Variants in KANK1 observed in about 807,000 individuals in gnomAD.
The protein encoded by KANK1 is KN motif and ankyrin repeat domains 1.
In KANK1, 109 loss-of-function variants were observed where a neutral mutation model predicts 106.2. That is an observed-to-expected ratio of 1.03 (90% CI 0.88 to 1.20). KANK1 has a LOEUF of 1.20. Ranked by LOEUF, KANK1 falls within the 50% of genes most tolerant of loss-of-function variation. The pLI is 0.00. For synonymous variants in KANK1, 873 were observed against 652.2 expected, an observed-to-expected ratio of 1.34 and a Z score of -5.16; for missense variants, 2,399 against 1,710.7, an observed-to-expected ratio of 1.40 and a Z score of -7.10.
chr9:720,002 G>T (rs1828881048), intron 3 of KANK1, among the ~76,000 whole-genome samples: 1 of 152,122 alleles, frequency 6.6e-6, no homozygotes, highest in African/African-American at 2.4e-5. Context: ...ATTTGCCTTA[G>T]AATTTAATAT....
At chr9:637,268 C>T (rs1837368199) in intron 1 of KANK1, among the ~76,000 whole-genome samples, 1 of 152,130 alleles carries the variant, frequency 6.6e-6, no homozygotes, top group African/African-American at 2.4e-5. Flanking sequence ...GATGTGAAAG[C>T]TTTTGTTCCA....
At chr9:626,914 G>A (rs955222232) in intron 1 of KANK1, among the ~76,000 whole-genome samples, 3 of 151,900 alleles carry the variant, frequency 2.0e-5, no homozygotes, top group Admixed American at 2.0e-4. Flanking sequence ...GCTGCTATTG[G>A]TGTTTTACAC....
Position 581,155 on chromosome 9 carries a change from C to A in KANK1, c.-84+76401C>A, listed in dbSNP as rs544198667. 4.6e-5 allele frequency among the ~76,000 whole-genome samples: 7 copies of A among 152,284 alleles called. No homozygotes were observed. The South Asian group carries it at 1.4e-3, about 32-fold the overall frequency. ...AGCCCCAGTTCCCACCCACGGCTTT[C>A]CCTCCACATCTCCCCGCAAGCAGAG... On this transcript the variant is annotated intron_variant, in intron 1 of 11. Transcript: ENST00000382297.
chr9:633,604 C>G lies in KANK1; in HGVS notation c.-83-43286C>G, dbSNP rs527864723. Among the ~76,000 whole-genome samples, 19 of 152,286 alleles carry G rather than the reference C, an allele frequency of 1.2e-4. No individual in the cohort carries two copies. The South Asian group carries it at 3.5e-3, about 28-fold the overall frequency. On this transcript the variant is annotated intron_variant, in intron 1 of 11. Transcript: ENST00000382297. ...GATTCCTGAACCTGGCATATGAGCTCTCAATAATTCATTCTGACTCATCTT... is the reference window on the plus strand; with the variant it reads ...GATTCCTGAACCTGGCATATGAGCTGTCAATAATTCATTCTGACTCATCTT...
chr9:534,340 C>T (rs2060200012), intron 1 of KANK1, among the ~76,000 whole-genome samples: 1 of 152,152 alleles, frequency 6.6e-6, no homozygotes, highest in Admixed American at 6.5e-5. Context: ...GCTACATGTG[C>T]TTTGGTCTCA....
Position 487,207 on chromosome 9 carries a change from T to C in KANK1, c.-362+13934T>C, listed in dbSNP as rs182390884. On this transcript the variant is annotated intron_variant, in intron 3 of 15. Coordinates refer to the KANK1 transcript ENST00000382303. ...TCCCAACTTACAATGGTTTGGCTTA[T>C]GGTTTTTCAAATTTATGATGGTGTG... 8.5e-5 allele frequency among the ~76,000 whole-genome samples: 13 copies of C among 152,356 alleles called. No individual in the cohort carries two copies. In the East Asian group the frequency reaches 1.3e-3, roughly 16 times the overall value.
intron 8 of KANK1, among the ~76,000 whole-genome samples, chr9:739,529 G>A (rs1040135116): frequency 6.6e-6 from 1 of 152,262 alleles, no homozygotes; most frequent in African/African-American, 2.4e-5. Flanking sequence ...CATCTTACAG[G>A]AAGGAATTTC....
At chr9:683,126 G>A (rs1283111649) in intron 2 of KANK1, among the ~76,000 whole-genome samples, 1 of 152,164 alleles carries the variant, frequency 6.6e-6, no homozygotes, top group African/African-American at 2.4e-5. Context: ...GTGGTGGTGA[G>A]TCTTAGACCT....
intron 1 of KANK1, among the ~76,000 whole-genome samples, chr9:529,025 C>T (rs1377883064): frequency 1.3e-5 from 2 of 152,102 alleles, no homozygotes; most frequent in South Asian, 2.1e-4. Flanking sequence ...TCTTGAACTC[C>T]TGGACTCAAG....
intron 1 of KANK1, among the ~76,000 whole-genome samples, chr9:606,180 C>T (rs1340836971): frequency 6.9e-6 from 1 of 144,314 alleles, no homozygotes; most frequent in South Asian, 2.3e-4. Context: ...CACACACACA[C>T]ACCACTCACA....
chr9:582,662 A>C (rs1822466051), intron 1 of KANK1, among the ~76,000 whole-genome samples: 1 of 152,216 alleles, frequency 6.6e-6, no homozygotes, highest in African/African-American at 2.4e-5. Context: ...TGATTAAATA[A>C]AGGAGATCTC....
In KANK1 at chr9:713,410, A is replaced by G; in HGVS notation, c.2644A>G (p.Thr882Ala). 1 of 1,612,346 alleles carries G rather than the reference A, an allele frequency of 6.2e-7. No homozygotes were observed. Among genetic ancestry groups the G allele is most frequent in the South Asian group, 1.1e-5 (1 of 90,602 alleles). ...SINSVMKSASTEELRNPDFQK... is the reference protein window; with the variant it reads ...SINSVMKSASAEELRNPDFQK... ...CAACTCTGTCATGAAATCTGCAAGC[A>G]CTGAAGAGCTGAGGAACCCTGACTT... The change falls in exon 3 of 12, where the codon ACT becomes GCT. Residue 882 changes from threonine (T) to alanine (A), a missense_variant. Physicochemically the swap from Thr to Ala is moderately conservative, Grantham distance 58 (BLOSUM62 0). Coordinates refer to ENST00000382297, the MANE Select transcript of KANK1 (RefSeq NM_015158.5).
chr9:647,485 T>C (rs1588548811), intron 1 of KANK1, among the ~76,000 whole-genome samples: 1 of 151,014 alleles, frequency 6.6e-6, no homozygotes, highest in East Asian at 1.9e-4. Context: ...GGTTCCAAAC[T>C]AGTGAAAACT....
chr9:516,531 CT>C (rs1419790108), intron 1 of KANK1, among the ~76,000 whole-genome samples: 3 of 151,346 alleles, frequency 2.0e-5, no homozygotes, highest in Admixed American at 6.6e-5. Context: ...TCTGGTGGGT[CT>C]TTATTAGAGT....
intron 1 of KANK1, among the ~76,000 whole-genome samples, chr9:611,782 A>T (rs896386602): frequency 1.1e-4 from 16 of 152,094 alleles, no homozygotes; most frequent in African/African-American, 3.9e-4. Context: ...GCAGCGGTGC[A>T]GTCTCAGCTC....
upstream of KANK1, among the ~76,000 whole-genome samples, chr9:502,861 G>A (rs2058584063): frequency 6.6e-6 from 1 of 151,962 alleles, no homozygotes; most frequent in Non-Finnish European, 1.5e-5. Flanking sequence ...TTGAGACAGG[G>A]TCACACTCTG....
chr9:627,384 C>G (rs942137314), intron 1 of KANK1, among the ~76,000 whole-genome samples: 9 of 141,566 alleles, frequency 6.4e-5, no homozygotes, highest in East Asian at 5.8e-4. Flanking sequence ...GCTTCTGCCC[C>G]CTCCTAGCCA....
intron 3 of KANK1, among the ~76,000 whole-genome samples, chr9:475,445 T>A (rs1564107722): frequency 6.6e-6 from 1 of 151,256 alleles, no homozygotes; most frequent in Non-Finnish European, 1.5e-5. Flanking sequence ...CACTCGGCCC[T>A]CTTCCAAATA....
chr9:702,554 TTATCAA>T (rs1458546472), intron 2 of KANK1, among the ~76,000 whole-genome samples: 1 of 152,156 alleles, frequency 6.6e-6, no homozygotes, highest in Non-Finnish European at 1.5e-5. Context: ...TGTGCCTTTA[TTATCAA>T]TATCAATTAT....
Sources: gnomAD v4.1 joint callset for allele counts (sites outside exome capture counted in the v4.1 genomes callset) on GRCh38, gnomAD v4.1.1 for gene constraint, MANE v1.5 for transcripts, NCBI Gene and HGNC (gene_info 2026-07-23, HGNC 2026-07-21) for gene names.